The following MMP16 variants were observed in gnomAD, a reference collection of about 807,000 sequenced individuals.
The protein encoded by MMP16 is matrix metallopeptidase 16.
A neutral mutation model predicts 67.8 loss-of-function variants in MMP16; 12 were observed. That is an observed-to-expected ratio of 0.18 (90% CI 0.11 to 0.29). The LOEUF (loss-of-function observed/expected upper bound fraction) is 0.29. Among genes scored for constraint, MMP16 ranks in the 10% least tolerant of loss-of-function variants. The pLI, the probability that MMP16 is intolerant of heterozygous loss-of-function variation, is 1.00. For missense variants in MMP16, 475 were observed against 765.7 expected, an observed-to-expected ratio of 0.62 and a Z score of 4.48; for synonymous variants, 249 against 255.9, an observed-to-expected ratio of 0.97 and a Z score of 0.26.
At chr8:88,253,843 T>C (rs1810262621) in intron 1 of MMP16, among the ~76,000 whole-genome samples, 1 of 152,064 alleles carries the variant, frequency 6.6e-6, no homozygotes, top group Non-Finnish European at 1.5e-5. Context: ...ATTTTTCTTC[T>C]AATTTTTTTT....
intron 4 of MMP16, among the ~76,000 whole-genome samples, chr8:88,125,568 T>C (rs568735091): frequency 6.6e-6 from 1 of 151,902 alleles, no homozygotes; most frequent in African/African-American, 2.4e-5. Flanking sequence ...GTAGAAAACC[T>C]AGGAAAATAT....
At position 88,197,089 on chromosome 8, in the gene MMP16, T is replaced by C. The variant is rs1305382050; in HGVS notation, c.281+69A>G. The C allele has an allele frequency of 2.0e-6, 3 of 1,486,022 alleles. 1 individual carries two copies. In the South Asian group the frequency reaches 3.9e-5, roughly 19 times the overall value. 92.1% of individuals were successfully genotyped at this position (1,486,022 alleles called of 1,614,324 possible). ...CCATTTCTGGTTGGTGGAGTTCATA[T>C]AAAGTTTTCCAGACTACTTAGTTTG... On this transcript the variant is annotated intron_variant, in intron 2 of 9. Coordinates refer to ENST00000286614, the MANE Select transcript of MMP16 (RefSeq NM_005941.5).
In MMP16 at chr8:88,244,029, G is replaced by GT. The variant is rs879393673; in HGVS notation, c.133-46724dup. 7.9e-3 allele frequency among the ~76,000 whole-genome samples: 807 copies of GT among 102,136 alleles called. 5 individuals carry two copies. The highest frequency in any genetic ancestry group is 0.018 in the Admixed American group (136 of 7,746). The allele number at this position is 102,136 out of a possible 152,430, so 67.0% of individuals were successfully genotyped here. A position where few individuals can be genotyped will look rare whatever the true frequency, so the allele number is the denominator to read the frequency against. ...TTTTATTAAAGGTAACAATAATGAA[G>GT]TTTTTTTTTTTAATTCATCCAGTGA... On this transcript the variant is annotated intron_variant, in intron 1 of 9. Transcript: ENST00000286614.
At chr8:88,210,083 C>T (rs1809489941) in intron 1 of MMP16, among the ~76,000 whole-genome samples, 1 of 152,104 alleles carries the variant, frequency 6.6e-6, no homozygotes, top group Non-Finnish European at 1.5e-5. Flanking sequence ...GAGAATCTTT[C>T]CTAGACCTCC....
chr8:88,258,805 T>C (rs948650959), intron 1 of MMP16, among the ~76,000 whole-genome samples: 3 of 152,170 alleles, frequency 2.0e-5, no homozygotes, highest in Admixed American at 2.0e-4. Context: ...AGACACAGTA[T>C]AAAGTTGGAA....
intron 6 of MMP16, among the ~76,000 whole-genome samples, chr8:88,082,625 A>G (rs139972193): frequency 1.0e-3 from 158 of 152,256 alleles, no homozygotes; most frequent in African/African-American, 3.6e-3. Context: ...AGCTATAAAT[A>G]TAGATAAAAT....
chr8:88,256,554 C>T (rs545774006), intron 1 of MMP16, among the ~76,000 whole-genome samples: 4 of 152,082 alleles, frequency 2.6e-5, no homozygotes, highest in African/African-American at 7.2e-5. Context: ...TGAATCAAAC[C>T]GACTTTTTCT....
intron 1 of MMP16, among the ~76,000 whole-genome samples, chr8:88,253,175 C>T (rs1347296895): frequency 7.3e-6 from 1 of 137,214 alleles, no homozygotes; most frequent in Admixed American, 7.2e-5. Context: ...ATTATCATTA[C>T]TAATATTTAT....
intron 4 of MMP16, among the ~76,000 whole-genome samples, chr8:88,160,009 T>C (rs988032435): frequency 4.6e-5 from 7 of 151,910 alleles, no homozygotes; most frequent in African/African-American, 1.7e-4. Flanking sequence ...TTAGGGTACA[T>C]GTGCACAATG....
chr8:88,153,264 C>G (rs1434447765), intron 4 of MMP16, among the ~76,000 whole-genome samples: 2 of 152,062 alleles, frequency 1.3e-5, no homozygotes, highest in East Asian at 3.9e-4. Flanking sequence ...TAGGAAGAAT[C>G]AATATAGTGA....
intron 6 of MMP16, among the ~76,000 whole-genome samples, chr8:88,086,113 TA>T (rs1329636031): frequency 6.6e-6 from 1 of 151,450 alleles, no homozygotes; most frequent in African/African-American, 2.4e-5. Flanking sequence ...AGCTGGGGAG[TA>T]AGTGAAAGAT....
chr8:88,215,972 A>G, intron 1 of MMP16, among the ~76,000 whole-genome samples: 1 of 152,188 alleles, frequency 6.6e-6, no homozygotes. Flanking sequence ...ATGACCATGC[A>G]TGCTCAAAAT....
intron 6 of MMP16, among the ~76,000 whole-genome samples, chr8:88,079,952 C>T (rs1586139728): frequency 6.6e-6 from 1 of 152,278 alleles, no homozygotes; most frequent in African/African-American, 2.4e-5. Flanking sequence ...TTGCAAAGTG[C>T]CTAGTTTACG....
chr8:88,077,563 A>T (rs1326841672), intron 6 of MMP16, among the ~76,000 whole-genome samples: 1 of 152,146 alleles, frequency 6.6e-6, no homozygotes, highest in Non-Finnish European at 1.5e-5. Context: ...TAAATATATA[A>T]GCTCTCTGAT....
Position 88,049,917 on chromosome 8 carries a change from C to T in MMP16, c.1374-3133G>A, listed in dbSNP as rs576064790. 3.9e-5 allele frequency among the ~76,000 whole-genome samples: 6 copies of T among 152,266 alleles called. No homozygotes were observed. The South Asian group carries it at 1.0e-3, about 26-fold the overall frequency. On this transcript the variant is annotated intron_variant, in intron 8 of 9. Transcript: ENST00000286614. The stretch of plus-strand genomic sequence containing the variant: ...GTGCACACCTTTAGTTCCAGCTACT[C>T]AGGAGGCTGAGGTGGGAGGATCTGT...
At chr8:88,284,836 C>CTT (rs757759799) in intron 1 of MMP16, among the ~76,000 whole-genome samples, 1 of 142,836 alleles carries the variant, frequency 7.0e-6, no homozygotes, top group Non-Finnish European at 1.5e-5. Context: ...TTCTCTATGC[C>CTT]TTTTTTTTTT....
chr8:88,311,928 G>C (rs1811301151), intron 1 of MMP16, among the ~76,000 whole-genome samples: 1 of 152,110 alleles, frequency 6.6e-6, no homozygotes, highest in Non-Finnish European at 1.5e-5. Flanking sequence ...GAAATAAAAA[G>C]ACTTAAGATA....
chr8:88,221,976 T>G (rs1018855159), intron 1 of MMP16, among the ~76,000 whole-genome samples: 1 of 152,094 alleles, frequency 6.6e-6, no homozygotes, highest in Non-Finnish European at 1.5e-5. Context: ...CATCTGTCTT[T>G]TTATATACTT....
At chr8:88,296,427 G>A (rs903918039) in intron 1 of MMP16, among the ~76,000 whole-genome samples, 1 of 151,988 alleles carries the variant, frequency 6.6e-6, no homozygotes, top group African/African-American at 2.4e-5. Context: ...TCATAATGAG[G>A]ACATTAAACA....
Sources: allele counts gnomAD v4.1 joint callset (sites outside exome capture counted in the v4.1 genomes callset), GRCh38; gene constraint gnomAD v4.1.1; transcripts MANE v1.5; gene names NCBI Gene and HGNC (gene_info 2026-07-23, HGNC 2026-07-21).